Variants in GRID2 observed in about 807,000 individuals in gnomAD.
GRID2 encodes glutamate ionotropic receptor delta type subunit 2, also known as glutamate receptor ionotropic, delta-2.
In GRID2, 33 loss-of-function variants were observed where a neutral mutation model predicts 114.8. The observed-to-expected ratio is 0.29, with a 90% confidence interval of 0.22 to 0.38. GRID2 has a LOEUF of 0.38. Among genes scored for constraint, GRID2 ranks in the 10% least tolerant of loss-of-function variants. GRID2 has a pLI of 1.00. For missense variants in GRID2, 1,184 were observed against 1,257.7 expected (o/e 0.94, Z 0.89); for synonymous variants, 505 against 449.9 (o/e 1.12, Z -1.55).
chr4:92,554,741 A>G (rs900621511), intron 1 of GRID2, among the ~76,000 whole-genome samples: 2 of 152,182 alleles, frequency 1.3e-5, no homozygotes, highest in African/African-American at 4.8e-5. Context: ...TCTCAGATAA[A>G]TGATCTGTAT....
intron 8 of GRID2, among the ~76,000 whole-genome samples, chr4:93,330,122 C>T (rs953450496): frequency 3.3e-5 from 5 of 152,046 alleles, no homozygotes; most frequent in African/African-American, 1.2e-4. Context: ...AATATTTAAT[C>T]GCATTAGGTT....
intron 2 of GRID2, among the ~76,000 whole-genome samples, chr4:92,604,802 A>C (rs373582206): frequency 6.6e-6 from 1 of 152,126 alleles, no homozygotes; most frequent in East Asian, 1.9e-4. Flanking sequence ...CCATGTGAGC[A>C]CAGAATAAAT....
At chr4:93,384,902 G>A (rs145888982) in intron 8 of GRID2, among the ~76,000 whole-genome samples, 1,662 of 152,282 alleles carry the variant, frequency 0.011, 18 homozygotes, top group South Asian at 0.052. Flanking sequence ...TAACAAAAGA[G>A]TAATTAGAAG....
intron 2 of GRID2, among the ~76,000 whole-genome samples, chr4:92,834,359 A>G (rs1483595459): frequency 1.3e-5 from 2 of 151,954 alleles, no homozygotes; most frequent in Non-Finnish European, 2.9e-5. Flanking sequence ...AAATGTTTCT[A>G]TTTTCATTTT....
chr4:92,780,201 A>T (rs868569081), intron 2 of GRID2, among the ~76,000 whole-genome samples: 18 of 152,156 alleles, frequency 1.2e-4, no homozygotes, highest in Admixed American at 5.9e-4. Context: ...TCAGTGTATG[A>T]CTTGTCCTAT....
At chr4:93,163,699 A>C (rs1737976512) in intron 4 of GRID2, among the ~76,000 whole-genome samples, 1 of 151,810 alleles carries the variant, frequency 6.6e-6, no homozygotes, top group Non-Finnish European at 1.5e-5. Context: ...AAAAGAAGTA[A>C]AACCATATGA....
intron 4 of GRID2, among the ~76,000 whole-genome samples, chr4:93,142,637 C>T (rs1357686599): frequency 6.6e-6 from 1 of 152,082 alleles, no homozygotes; most frequent in East Asian, 1.9e-4. Flanking sequence ...TTTTAATTGC[C>T]AAGGTAACAA....
chr4:92,372,122 C>CA (rs950032167), intron 1 of GRID2, among the ~76,000 whole-genome samples: 8 of 151,472 alleles, frequency 5.3e-5, no homozygotes, highest in Admixed American at 2.0e-4. Flanking sequence ...CATAGATAAG[C>CA]AAAAAAATGT....
At chr4:92,434,117 T>C (rs1161557453) in intron 1 of GRID2, among the ~76,000 whole-genome samples, 1 of 152,216 alleles carries the variant, frequency 6.6e-6, no homozygotes, top group Non-Finnish European at 1.5e-5. Flanking sequence ...TCAGTAGTAA[T>C]ATCAGAGTAG....
At chr4:92,808,030 G>C (rs937888889) in intron 2 of GRID2, among the ~76,000 whole-genome samples, 2 of 151,982 alleles carry the variant, frequency 1.3e-5, no homozygotes, top group Non-Finnish European at 1.5e-5. Context: ...GATTATCTGG[G>C]TGATTATATT....
rs562313598 is a variant in GRID2, at chr4:92,702,900, T to C, written c.244+112614T>C. On this transcript the variant is annotated intron_variant, in intron 2 of 15. Transcript: ENST00000282020. ...AATTCAAGTACTCTCCCATAAGTGC[T>C]TATCTATAAAATAGTAATGGCTGTG... Among the ~76,000 whole-genome samples, 19 of 152,276 alleles carry C rather than the reference T, an allele frequency of 1.2e-4. No homozygotes were observed. In the South Asian group the frequency reaches 3.9e-3, roughly 32 times the overall value.
At chr4:93,271,862 T>C (rs1336678324) in intron 8 of GRID2, among the ~76,000 whole-genome samples, 3 of 152,194 alleles carry the variant, frequency 2.0e-5, no homozygotes, top group African/African-American at 7.2e-5. Flanking sequence ...AATACACAGA[T>C]GAATAATTAC....
At chr4:92,791,820 C>G (rs750580979) in intron 2 of GRID2, among the ~76,000 whole-genome samples, 13 of 151,782 alleles carry the variant, frequency 8.6e-5, no homozygotes, top group Non-Finnish European at 1.5e-4. Flanking sequence ...TTTACCCAAA[C>G]AAGACATCAC....
At chr4:92,599,822 C>T (rs988419723) in intron 2 of GRID2, among the ~76,000 whole-genome samples, 9 of 151,598 alleles carry the variant, frequency 5.9e-5, no homozygotes, top group Non-Finnish European at 1.3e-4. Flanking sequence ...GTCAAGATAT[C>T]GAGACCATTC....
chr4:93,439,293 T>C (rs1327221531), intron 10 of GRID2, among the ~76,000 whole-genome samples: 1 of 151,950 alleles, frequency 6.6e-6, no homozygotes, highest in African/African-American at 2.4e-5. Flanking sequence ...ATAATAGAAA[T>C]TGATAACTTG....
intron 2 of GRID2, among the ~76,000 whole-genome samples, chr4:92,659,981 G>C (rs1732444622): frequency 6.6e-6 from 1 of 151,360 alleles, no homozygotes; most frequent in African/African-American, 2.4e-5. Flanking sequence ...AACGTTCACT[G>C]TGTACCTCTT....
intron 1 of GRID2, among the ~76,000 whole-genome samples, chr4:92,547,574 A>C (rs1473087183): frequency 6.6e-6 from 1 of 152,200 alleles, no homozygotes; most frequent in Non-Finnish European, 1.5e-5. Context: ...ACAAATCAAA[A>C]AATACTCACA....
chr4:92,815,024 A>G (rs1400775376), intron 2 of GRID2, among the ~76,000 whole-genome samples: 1 of 152,092 alleles, frequency 6.6e-6, no homozygotes, highest in Non-Finnish European at 1.5e-5. Context: ...GTGGATTTGG[A>G]TGTGATAATC....
intron 1 of GRID2, among the ~76,000 whole-genome samples, chr4:92,432,612 G>C (rs1732516098): frequency 6.6e-6 from 1 of 152,000 alleles, no homozygotes; most frequent in Admixed American, 6.6e-5. Flanking sequence ...AGTAAACACT[G>C]TCAGGCCTGA....
Sources: gnomAD v4.1 joint callset for allele counts (sites outside exome capture counted in the v4.1 genomes callset) on GRCh38, gnomAD v4.1.1 for gene constraint, MANE v1.5 for transcripts, NCBI Gene and HGNC (gene_info 2026-07-23, HGNC 2026-07-21) for gene names.